COG5: variants seen among roughly 807,000 people sequenced by gnomAD.
COG5 encodes component of oligomeric golgi complex 5, also known as conserved oligomeric Golgi complex subunit 5.
In COG5, 86 loss-of-function variants were observed where a neutral mutation model predicts 110.4. The observed-to-expected ratio is 0.78, with a 90% CI of 0.65 to 0.93. COG5 has a LOEUF of 0.93. Ranked by LOEUF, COG5 falls within the 40% of genes least tolerant of loss-of-function variation. The probability of loss-of-function intolerance (pLI) is 0.00; values close to 1 mark genes in which losing one functional copy is unlikely to be tolerated. For synonymous variants in COG5, 360 were observed against 334.6 expected (o/e 1.08, Z -0.83); for missense variants, 1,077 against 987.0 (o/e 1.09, Z -1.22).
At chr7:107,208,397 A>G (rs1798922614) in intron 21 of COG5, 1 of 985,472 alleles carries the variant, frequency 1.0e-6, no homozygotes, top group South Asian at 4.7e-5. Context: ...TACACACAGC[A>G]GGACAACTGT....
chr7:107,322,156 A>G (rs1338921430), intron 11 of COG5, among the ~76,000 whole-genome samples: 2 of 152,192 alleles, frequency 1.3e-5, no homozygotes, highest in Non-Finnish European at 2.9e-5. Context: ...CCCCAAATTC[A>G]TATGTTGAAA....
chr7:107,339,123 C>T (rs887710480), intron 10 of COG5, among the ~76,000 whole-genome samples: 2 of 152,070 alleles, frequency 1.3e-5, no homozygotes, highest in Non-Finnish European at 2.9e-5. Flanking sequence ...CTGCTATCTT[C>T]AAGAGACTGA....
At chr7:107,234,105 G>A (rs1326053702) in intron 18 of COG5, among the ~76,000 whole-genome samples, 3 of 152,212 alleles carry the variant, frequency 2.0e-5, no homozygotes, top group African/African-American at 7.2e-5. Context: ...CCCAAGGTGA[G>A]TGTCAGGATG....
chr7:107,204,374 C>T (rs947940094), intron 21 of COG5, among the ~76,000 whole-genome samples: 1 of 152,116 alleles, frequency 6.6e-6, no homozygotes, highest in Non-Finnish European at 1.5e-5. Flanking sequence ...TGAAATATAT[C>T]TGGCCCTTCT....
At chr7:107,482,701 T>C (rs1171074249) in intron 6 of COG5, among the ~76,000 whole-genome samples, 3 of 151,982 alleles carry the variant, frequency 2.0e-5, no homozygotes, top group Admixed American at 1.3e-4. Context: ...CTAAGAAATA[T>C]AATGTTGTTT....
chr7:107,425,768 ACATT>A (rs1793604892), intron 6 of COG5, among the ~76,000 whole-genome samples: 1 of 152,198 alleles, frequency 6.6e-6, no homozygotes, highest in South Asian at 2.1e-4. Context: ...ATAATAATAA[ACATT>A]CATATAATGC....
At chr7:107,438,792 C>G (rs1237292068) in intron 6 of COG5, among the ~76,000 whole-genome samples, 1 of 152,138 alleles carries the variant, frequency 6.6e-6, no homozygotes, top group Non-Finnish European at 1.5e-5. Context: ...TAATTTAGAT[C>G]AGAGAGAAAC....
At chr7:107,374,845 T>A (rs1263995834) in intron 7 of COG5, among the ~76,000 whole-genome samples, 1 of 151,994 alleles carries the variant, frequency 6.6e-6, no homozygotes, top group African/African-American at 2.4e-5. Flanking sequence ...ACACATAGAT[T>A]ATGCCAGTAA....
intron 7 of COG5, among the ~76,000 whole-genome samples, chr7:107,377,901 G>A (rs1466019442): frequency 6.6e-6 from 1 of 152,050 alleles, no homozygotes; most frequent in Non-Finnish European, 1.5e-5. Flanking sequence ...CTGCCTGCTG[G>A]CTCTGAAGCA....
At chr7:107,481,149 T>C (rs1016713621) in intron 6 of COG5, among the ~76,000 whole-genome samples, 1 of 152,122 alleles carries the variant, frequency 6.6e-6, no homozygotes, top group African/African-American at 2.4e-5. Flanking sequence ...GCTAAGTCTG[T>C]CTGGGATTGA....
intron 11 of COG5, among the ~76,000 whole-genome samples, chr7:107,310,192 A>C (rs1406351716): frequency 6.6e-6 from 1 of 152,198 alleles, no homozygotes; most frequent in Non-Finnish European, 1.5e-5. Flanking sequence ...GATACCAGTT[A>C]GACTTGGGAT....
chr7:107,458,410 C>A (rs1024061900), intron 6 of COG5, among the ~76,000 whole-genome samples: 4 of 152,044 alleles, frequency 2.6e-5, no homozygotes, highest in African/African-American at 9.7e-5. Flanking sequence ...TAAAAAACAG[C>A]AGAAAAGATG....
intron 5 of COG5, among the ~76,000 whole-genome samples, chr7:107,541,524 A>ATATATATATATGTG (rs1802025755): frequency 2.5e-5 from 1 of 40,100 alleles, no homozygotes; most frequent in African/African-American, 1.2e-4. Flanking sequence ...AAAAAAAAAA[A>ATATATATATATGTG]TATATATATA....
intron 6 of COG5, among the ~76,000 whole-genome samples, chr7:107,413,981 C>G (rs1792508065): frequency 6.6e-6 from 1 of 152,046 alleles, no homozygotes; most frequent in African/African-American, 2.4e-5. Context: ...TCTTTCTGAC[C>G]ACAGTCTTTT....
chr7:107,319,176 G>T (rs1178048378), intron 11 of COG5, among the ~76,000 whole-genome samples: 1 of 150,424 alleles, frequency 6.6e-6, no homozygotes, highest in Non-Finnish European at 1.5e-5. Context: ...GGTTCCATTT[G>T]ATTCTTCTTG....
intron 6 of COG5, among the ~76,000 whole-genome samples, chr7:107,489,246 C>T (rs935631142): frequency 8.5e-5 from 13 of 152,102 alleles, no homozygotes; most frequent in African/African-American, 1.4e-4. Context: ...ATAAACTCTT[C>T]GCTAAAATGT....
At chr7:107,401,208 A>C (rs1171480032) in intron 7 of COG5, among the ~76,000 whole-genome samples, 1 of 152,154 alleles carries the variant, frequency 6.6e-6, no homozygotes, top group Non-Finnish European at 1.5e-5. Context: ...AGTTCAAATT[A>C]ATTTCCATTC....
At chr7:107,478,141 C>T (rs1797101666) in intron 6 of COG5, among the ~76,000 whole-genome samples, 1 of 151,850 alleles carries the variant, frequency 6.6e-6, no homozygotes, top group South Asian at 2.1e-4. Flanking sequence ...GCTTATTCCG[C>T]ATAGTATTTT....
At chr7:107,391,943 T>C (rs1790652810) in intron 7 of COG5, among the ~76,000 whole-genome samples, 1 of 152,056 alleles carries the variant, frequency 6.6e-6, no homozygotes, top group African/African-American at 2.4e-5. Context: ...ATACAAAAAT[T>C]AGCTGGGCAT....
Sources: gnomAD v4.1 joint callset for allele counts (sites outside exome capture counted in the v4.1 genomes callset) on GRCh38, gnomAD v4.1.1 for gene constraint, MANE v1.5 for transcripts, NCBI Gene and HGNC (gene_info 2026-07-23, HGNC 2026-07-21) for gene names.